The following TOPBP1 variants were observed in gnomAD, a reference collection of about 807,000 sequenced individuals.
TOPBP1 encodes DNA topoisomerase 2-binding protein 1.
Under a neutral mutation model 167.7 loss-of-function variants are expected in TOPBP1, and 28 were observed. The ratio of observed to expected loss-of-function variants is 0.17; its 90% CI spans 0.12 to 0.23. The LOEUF is 0.23. Among genes scored for constraint, TOPBP1 ranks in the 10% least tolerant of loss-of-function variants. The pLI is 1.00. For missense variants in TOPBP1, 1,554 were observed against 1,809.6 expected (o/e 0.86, Z 2.56); for synonymous variants, 598 against 611.4 (o/e 0.98, Z 0.32).
At chr3:133,621,576 G>A (rs1935088899) in intron 19 of TOPBP1, among the ~76,000 whole-genome samples, 1 of 152,174 alleles carries the variant, frequency 6.6e-6, no homozygotes, top group Admixed American at 6.5e-5. Context: ...CAAATCCTAT[G>A]TCATTTTATA....
At chr3:133,633,947 G>T (rs1559820688) in intron 14 of TOPBP1, among the ~76,000 whole-genome samples, 1 of 152,016 alleles carries the variant, frequency 6.6e-6, no homozygotes, top group Non-Finnish European at 1.5e-5. Context: ...AGCGTTATTT[G>T]CAACTGCCTA....
chr3:133,640,815 AT>A, intron 12 of TOPBP1, among the ~76,000 whole-genome samples: 1 of 152,308 alleles, frequency 6.6e-6, no homozygotes, highest in East Asian at 1.9e-4. Context: ...CATTATTATT[AT>A]TTTTTAACCT....
intron 14 of TOPBP1, among the ~76,000 whole-genome samples, chr3:133,630,807 T>C (rs1576297201): frequency 6.6e-6 from 1 of 152,274 alleles, no homozygotes; most frequent in East Asian, 1.9e-4. Context: ...TTGGAGTGTA[T>C]GTTATAGTTA....
rs377300644 is a variant in TOPBP1, at chr3:133,601,772, T to C, written c.4426-379A>G. ...CTGATCTGACTCCAAAACCCTTGCATTTTCCCCCCACAACCATTTCCCAAC... is the reference window on the plus strand; with the variant it reads ...CTGATCTGACTCCAAAACCCTTGCACTTTCCCCCCACAACCATTTCCCAAC... On this transcript the variant is annotated intron_variant, in intron 27 of 27. Coordinates refer to ENST00000260810, the MANE Select transcript of TOPBP1 (RefSeq NM_007027.4). 5.3e-5 allele frequency among the ~76,000 whole-genome samples: 8 copies of C among 152,304 alleles called. 1 individual carries two copies. The highest frequency in any genetic ancestry group is 1.9e-4 in the East Asian group (1 of 5,190).
chr3:133,644,074 C>T lies in TOPBP1; in HGVS notation c.1794G>A (p.Leu598=). ...RTVADYAVVP[L]LGCEVEATVG... is the part of the protein sequence containing the mutation. Reference sequence around the variant, plus strand: ...CAGTGGCTTCCACTTCACACCCCAGCAGAGGAACCACAGCATAATCCGCAA... The same window carrying T: ...CAGTGGCTTCCACTTCACACCCCAGTAGAGGAACCACAGCATAATCCGCAA... The change falls in exon 11 of 28, where the codon CTG becomes CTA. Residue 598 remains leucine (L), a synonymous_variant. Coordinates refer to ENST00000260810, the MANE Select transcript of TOPBP1 (RefSeq NM_007027.4). 1 of 1,613,558 alleles carries T rather than the reference C, an allele frequency of 6.2e-7. No individual in the cohort carries two copies. The highest frequency in any genetic ancestry group is 1.7e-4 in the Middle Eastern group (1 of 6,058).
chr3:133,616,911 C>A lies in TOPBP1; in HGVS notation c.3774G>T (p.Glu1258Asp). The A allele has an allele frequency of 6.6e-7, 1 of 1,518,894 alleles. No individual in the cohort carries two copies. The allele number at this position is 1,518,894 out of a possible 1,614,324, so 94.1% of individuals were successfully genotyped here. A position where few individuals can be genotyped will look rare whatever the true frequency, so the allele number is the denominator to read the frequency against. ...PHPREKIITIEETHEELKKQY... is the reference protein window; with the variant it reads ...PHPREKIITIDETHEELKKQY... ...GTTTTTTTAATTCTTCATGAGTCTC[C>A]TCTATCGTTATAATCTGGAATGAAA... is the stretch of plus-strand genomic sequence containing the variant. Residue 1258 changes from glutamate to aspartate, a missense_variant, in exon 23 of 28, where the codon GAG becomes GAT. Transcript: ENST00000260810.
chr3:133,610,890 A>G, intron 25 of TOPBP1, 114 bp downstream of exon 25: 1 of 1,251,734 alleles, frequency 8.0e-7, no homozygotes, highest in South Asian at 2.0e-5. Flanking sequence ...AAATTTGGGG[A>G]AAAAAGACAA....
intron 21 of TOPBP1, among the ~76,000 whole-genome samples, chr3:133,617,982 C>T (rs374902526): frequency 6.8e-4 from 104 of 152,198 alleles, no homozygotes; most frequent in Non-Finnish European, 8.8e-4. Context: ...TAGAAAAAAA[C>T]GCCCAATTCT....
At chr3:133,626,257 G>A (rs896507167) in intron 16 of TOPBP1, among the ~76,000 whole-genome samples, 1 of 152,162 alleles carries the variant, frequency 6.6e-6, no homozygotes, top group African/African-American at 2.4e-5. Context: ...TACACCCTTG[G>A]TCTAGATCAG....
chr3:133,635,822 G>A (rs1935654041), intron 14 of TOPBP1, among the ~76,000 whole-genome samples: 2 of 151,948 alleles, frequency 1.3e-5, no homozygotes, highest in African/African-American at 2.4e-5. Context: ...CAAGAGACAC[G>A]CACAAGAATG....
intron 14 of TOPBP1, 133 bp from the exon 15 acceptor site, chr3:133,628,866 T>G: frequency 1.2e-6 from 1 of 842,312 alleles, no homozygotes; most frequent in Non-Finnish European, 1.8e-6. Context: ...ATCCTCAAAA[T>G]TAATGGATTA....
intron 27 of TOPBP1, 35 bp downstream of exon 27, chr3:133,608,500 G>C (rs762293868): frequency 1.2e-6 from 2 of 1,607,570 alleles, no homozygotes; most frequent in Non-Finnish European, 1.7e-6. Flanking sequence ...ACGTATCTCT[G>C]GTAATGAGGA....
chr3:133,617,030 C>A, intron 22 of TOPBP1, 105 bp from the exon 23 acceptor site: 1 of 1,307,120 alleles, frequency 7.7e-7, no homozygotes, highest in South Asian at 1.6e-5. Context: ...ATGAAATATA[C>A]AAATAATGAT....
rs754509414 is a variant in TOPBP1, at chr3:133,623,159, T to C, written c.3110A>G (p.Asp1037Gly). Residue 1037 changes from aspartate to glycine, a missense_variant, in exon 19 of 28, where the codon GAC becomes GGC. By Grantham distance (94) the Asp-to-Gly change is moderately conservative (BLOSUM62 -1). This residue lies in a region of TOPBP1 where 1,197 missense variants were observed against 1,351.5 expected (regional missense o/e 0.89). Coordinates refer to ENST00000260810, the MANE Select transcript of TOPBP1 (RefSeq NM_007027.4). ...CTCTTTATTATTGGTGGCCATATTG[T>C]CTACATCATTTTCTTCTAAAATCAA... ...DPLILEENDV[D>G]NMATNNKESA... 29 of 1,612,516 alleles carry C rather than the reference T, an allele frequency of 1.8e-5. No homozygotes were observed. The highest frequency in any genetic ancestry group is 2.4e-5 in the Non-Finnish European group (28 of 1,179,142).
chr3:133,611,025 T>G lies in TOPBP1; in HGVS notation c.4152A>C (p.Arg1384Ser), dbSNP rs779262980. Reference protein sequence around the residue: ...AMRWRKKIQQRQESGIVEGAF... With the variant: ...AMRWRKKIQQSQESGIVEGAF... ...ATACCTCAACAATGCCAGATTCTTG[T>G]CTTTGCTGGATTTTTTTTCTCCATC... is the stretch of plus-strand genomic sequence containing the variant. Residue 1384 changes from arginine (R) to serine (S), a missense_variant, in exon 25 of 28, where the codon AGA (arginine) becomes AGC (serine). Transcript: ENST00000260810. 3.3e-5 allele frequency: 53 copies of G among 1,612,772 alleles called. No individual in the cohort carries two copies. Among genetic ancestry groups the G allele is most frequent in the Non-Finnish European group, 4.0e-5 (47 of 1,179,232 alleles).
chr3:133,606,495 C>CT (rs750468980), intron 27 of TOPBP1, among the ~76,000 whole-genome samples: 5,921 of 125,426 alleles, frequency 0.047, 290 homozygotes, highest in African/African-American at 0.11. Flanking sequence ...CACTCTAGGC[C>CT]TTTTTTTTTT....
intron 20 of TOPBP1, among the ~76,000 whole-genome samples, chr3:133,618,966 C>T (rs999458796): frequency 7.2e-5 from 11 of 151,926 alleles, no homozygotes; most frequent in African/African-American, 2.7e-4. Context: ...CAGCAATATG[C>T]TGAATTACAG....
Position 133,628,768 on chromosome 3 carries a change from A to G in TOPBP1, c.2521-35T>C, listed in dbSNP as rs1340857337. The G allele has an allele frequency of 1.9e-6, 3 of 1,544,236 alleles. No homozygotes were observed. The African/African-American group carries it at 4.1e-5, about 21-fold the overall frequency. On this transcript the variant is annotated intron_variant, in intron 14 of 27. Transcript: ENST00000260810. Reference sequence around the variant, plus strand: ...TGAAGGAGAGAGAGAGATGGAGAAAAGAAGAGAGAGAGAGAGAAGCAAGAT... The same window carrying G: ...TGAAGGAGAGAGAGAGATGGAGAAAGGAAGAGAGAGAGAGAGAAGCAAGAT...
At chr3:133,601,774 T>C (rs550255876) in intron 27 of TOPBP1, among the ~76,000 whole-genome samples, 3 of 152,296 alleles carry the variant, frequency 2.0e-5, no homozygotes, top group Non-Finnish European at 4.4e-5. Context: ...CCCTTGCATT[T>C]TCCCCCCACA....
Sources: allele counts gnomAD v4.1 joint callset (sites outside exome capture counted in the v4.1 genomes callset), GRCh38; gene constraint gnomAD v4.1.1; regional missense constraint gnomAD v4.1.1; transcripts MANE v1.5; gene names NCBI Gene and HGNC (gene_info 2026-07-23, HGNC 2026-07-21).